The following ZNF521 variants were observed in gnomAD, a reference collection of about 807,000 sequenced individuals.
The protein encoded by ZNF521 is LYST-interacting protein 3.
Under a neutral mutation model 105.5 loss-of-function variants are expected in ZNF521, and 14 were observed. The observed-to-expected ratio is 0.13, with a 90% confidence interval of 0.09 to 0.21. The LOEUF (loss-of-function observed/expected upper bound fraction) is 0.21. ZNF521 is among the 10% of genes least tolerant of loss of function. The pLI, the probability that ZNF521 is intolerant of heterozygous loss-of-function variation, is 1.00. For missense variants in ZNF521, 1,233 were observed against 1,629.7 expected, an observed-to-expected ratio of 0.76 and a Z score of 4.19; for synonymous variants, 635 against 606.0, an observed-to-expected ratio of 1.05 and a Z score of -0.70.
At chr18:25,106,076 A>C (rs1421508995) in intron 5 of ZNF521, among the ~76,000 whole-genome samples, 1 of 152,170 alleles carries the variant, frequency 6.6e-6, no homozygotes, top group East Asian at 1.9e-4. Flanking sequence ...GGCATTAAAA[A>C]ATCTGACTAA....
At chr18:25,157,434 A>G (rs899649591) in intron 5 of ZNF521, among the ~76,000 whole-genome samples, 1 of 152,224 alleles carries the variant, frequency 6.6e-6, no homozygotes, top group African/African-American at 2.4e-5. Context: ...TCAAATGAAG[A>G]GCATTAAGAG....
intron 5 of ZNF521, among the ~76,000 whole-genome samples, chr18:25,186,506 A>T (rs1415367584): frequency 6.6e-6 from 1 of 152,228 alleles, no homozygotes; most frequent in Admixed American, 6.5e-5. Context: ...GGCTTGAATT[A>T]ATTCTTTACA....
intron 2 of ZNF521, among the ~76,000 whole-genome samples, chr18:25,328,131 C>A (rs1913338495): frequency 6.6e-6 from 1 of 152,152 alleles, no homozygotes; most frequent in Non-Finnish European, 1.5e-5. Context: ...AACCTGTAAT[C>A]TATTTGTTCC....
chr18:25,312,609 G>A (rs1252208244), intron 3 of ZNF521, among the ~76,000 whole-genome samples: 2 of 42,100 alleles, frequency 4.8e-5, no homozygotes, highest in Admixed American at 2.6e-4. Context: ...TCAGGAGATC[G>A]AGACCATCCT....
intron 3 of ZNF521, among the ~76,000 whole-genome samples, chr18:25,297,231 T>C (rs575907941): frequency 5.9e-5 from 9 of 151,908 alleles, no homozygotes; most frequent in African/African-American, 2.2e-4. Flanking sequence ...TGTAACACAC[T>C]AGATATACGT....
At position 25,226,397 on chromosome 18, in the gene ZNF521, A is replaced by G. The variant is rs2144737412; in HGVS notation, c.1521T>C (p.Ala507=). ...GACAAAAGAATGCATTACTATCTTT[A>G]GCTGCAGGGTTTGCAAATCCATGAG... ...RCSHGFANPA[A]KDSNAFFCPH... The change falls in exon 4 of 8, where the codon GCT becomes GCC. Residue 507 remains alanine (A), a synonymous_variant. Coordinates refer to ENST00000361524, the MANE Select transcript of ZNF521 (RefSeq NM_015461.3). This position sits in a 1 kb window ranked among gnomAD's most constrained non-coding sequence, Gnocchi z 4.1. 6.2e-7 allele frequency: 1 copy of G among 1,614,154 alleles called. No individual in the cohort carries two copies. The highest frequency in any genetic ancestry group is 1.1e-5 in the South Asian group (1 of 91,080).
At chr18:25,073,449 C>T (rs1335096834) in intron 7 of ZNF521, among the ~76,000 whole-genome samples, 1 of 152,206 alleles carries the variant, frequency 6.6e-6, no homozygotes, top group Admixed American at 6.5e-5. Flanking sequence ...TCATTTACTT[C>T]ACTTCCGTGT....
chr18:25,200,038 T>C (rs1275327174), intron 4 of ZNF521, among the ~76,000 whole-genome samples: 3 of 152,136 alleles, frequency 2.0e-5, no homozygotes, highest in African/African-American at 2.4e-5. Flanking sequence ...TCCTCATTTA[T>C]AGATTAATTA....
At chr18:25,103,025 CT>C (rs1394148730) in intron 5 of ZNF521, among the ~76,000 whole-genome samples, 2 of 152,214 alleles carry the variant, frequency 1.3e-5, no homozygotes, top group African/African-American at 4.8e-5. Flanking sequence ...CCCTTGAAAG[CT>C]TTTCTTCTCC....
chr18:25,068,554 A>C (rs972213257), intron 7 of ZNF521, among the ~76,000 whole-genome samples: 6 of 152,076 alleles, frequency 3.9e-5, no homozygotes, highest in Non-Finnish European at 7.4e-5. Context: ...AGGCTGGATA[A>C]TAAGTCTTTT....
At chr18:25,119,820 T>C (rs2034399584) in intron 5 of ZNF521, among the ~76,000 whole-genome samples, 1 of 151,548 alleles carries the variant, frequency 6.6e-6, no homozygotes, top group Admixed American at 6.6e-5. Context: ...AAAGAAACAA[T>C]AAAGATAAAA....
chr18:25,193,619 C>T (rs73407179), intron 5 of ZNF521, among the ~76,000 whole-genome samples: 1 of 151,924 alleles, frequency 6.6e-6, no homozygotes, highest in African/African-American at 2.4e-5. Flanking sequence ...CTGCTCCTCT[C>T]CTCTAAAAAG....
intron 4 of ZNF521, among the ~76,000 whole-genome samples, chr18:25,204,015 C>A (rs2036037076): frequency 6.6e-6 from 1 of 152,150 alleles, no homozygotes; most frequent in South Asian, 2.1e-4. Context: ...CCGCCACTCT[C>A]TATTGCTCCC....
chr18:25,197,356 C>A (rs1167768484), intron 4 of ZNF521, among the ~76,000 whole-genome samples: 2 of 151,840 alleles, frequency 1.3e-5, no homozygotes, highest in South Asian at 4.1e-4. Context: ...ATATTTTTCA[C>A]ATTTCCCAAA....
chr18:25,094,145 G>A (rs1466222616), intron 5 of ZNF521, among the ~76,000 whole-genome samples: 1 of 152,180 alleles, frequency 6.6e-6, no homozygotes, highest in Non-Finnish European at 1.5e-5. Context: ...TAGGTGTGAT[G>A]TAATAGATCT....
intron 7 of ZNF521, among the ~76,000 whole-genome samples, chr18:25,073,755 G>C (rs1232547967): frequency 6.6e-6 from 1 of 152,130 alleles, no homozygotes; most frequent in Non-Finnish European, 1.5e-5. Flanking sequence ...AAAAGCAAAA[G>C]AAATGCCACT....
intron 5 of ZNF521, among the ~76,000 whole-genome samples, chr18:25,191,698 A>G (rs2035820831): frequency 6.6e-6 from 1 of 152,180 alleles, no homozygotes; most frequent in African/African-American, 2.4e-5. Context: ...ATATTATCTG[A>G]TGCCTAACAG....
In ZNF521 at chr18:25,263,323, T is replaced by C. The variant is rs145745504; in HGVS notation, c.221-35626A>G. Among the ~76,000 whole-genome samples, 423 of 151,786 alleles carry C rather than the reference T, an allele frequency of 2.8e-3. 2 individuals carry two copies. Among genetic ancestry groups the C allele is most frequent in the African/African-American group, 9.7e-3 (402 of 41,364 alleles). On this transcript the variant is annotated intron_variant, in intron 3 of 7. Coordinates refer to ENST00000361524, the MANE Select transcript of ZNF521 (RefSeq NM_015461.3). The stretch of plus-strand genomic sequence containing the variant: ...AGATACAGTATCACAGTTACTCTGA[T>C]TGATGAAAAAAAAAAGTTAGGTCAA...
chr18:25,211,143 CT>C (rs1338599268), intron 4 of ZNF521, among the ~76,000 whole-genome samples: 2 of 152,198 alleles, frequency 1.3e-5, no homozygotes, highest in Non-Finnish European at 2.9e-5. Context: ...GCTAATATGT[CT>C]TTAATACCTC....
Sources: allele counts gnomAD v4.1 joint callset (sites outside exome capture counted in the v4.1 genomes callset), GRCh38; gene constraint gnomAD v4.1.1; non-coding constraint Gnocchi (gnomAD v3.1); transcripts MANE v1.5; gene names NCBI Gene and HGNC (gene_info 2026-07-23, HGNC 2026-07-21).